PIK3CD: variants seen among roughly 807,000 people sequenced by gnomAD.
PIK3CD encodes phosphatidylinositol 4,5-bisphosphate 3-kinase catalytic subunit delta isoform.
Under a neutral mutation model 122.9 loss-of-function variants are expected in PIK3CD, and 20 were observed. That is an observed-to-expected ratio of 0.16 (90% CI 0.11 to 0.24). The LOEUF (loss-of-function observed/expected upper bound fraction) is 0.24. Ranked by LOEUF, PIK3CD falls within the 10% of genes least tolerant of loss-of-function variation. The pLI, the probability that PIK3CD is intolerant of heterozygous loss-of-function variation, is 1.00. For missense variants in PIK3CD, 787 were observed against 1,406.3 expected, an observed-to-expected ratio of 0.56 and a Z score of 7.04; for synonymous variants, 596 against 593.4, an observed-to-expected ratio of 1.00 and a Z score of -0.06.
intron 1 of PIK3CD, among the ~76,000 whole-genome samples, chr1:9,656,839 A>G (rs929996291): frequency 2.6e-5 from 4 of 150,954 alleles, no homozygotes; most frequent in African/African-American, 9.7e-5. Context: ...GCTATTCGGG[A>G]GGCTGAGACA....
At chr1:9,660,837 A>C (rs1431362934) in intron 1 of PIK3CD, 1 of 151,938 alleles carries the variant, frequency 6.6e-6, no homozygotes. Flanking sequence ...TTATTCTTGC[A>C]TCTTGTTAAT....
rs558845208 is a variant in PIK3CD at position 9,697,262 on chromosome 1, T to A, written c.-33+5691T>A. On this transcript the variant is annotated intron_variant, in intron 2 of 23. Transcript: ENST00000377346. ...CCTGAGGTATAAAAACACACAAAAA[T>A]TTTAAATAAAAAATGGAAATATAGA... Among the ~76,000 whole-genome samples the A allele has an allele frequency of 3.6e-4, 54 of 151,888 alleles. 1 individual carries two copies. In the South Asian group the frequency reaches 0.011, roughly 30 times the overall value.
chr1:9,678,418 G>T, intron 1 of PIK3CD, among the ~76,000 whole-genome samples: 1 of 152,008 alleles, frequency 6.6e-6, no homozygotes, highest in Non-Finnish European at 1.5e-5. Context: ...TATGGCATTG[G>T]ACTCCAGTCT....
At chr1:9,643,317 G>A in the PIK3CD span, among the ~76,000 whole-genome samples, 2 of 151,404 alleles carry the variant, frequency 1.3e-5, no homozygotes, top group Admixed American at 1.3e-4. Context: ...AGCTGAGGCA[G>A]GAATTGCTTG....
the PIK3CD span, among the ~76,000 whole-genome samples, chr1:9,628,035 C>G: frequency 2.6e-5 from 4 of 151,698 alleles, no homozygotes; most frequent in East Asian, 7.8e-4. Context: ...GGCGACAGAG[C>G]GAGACGCCTG....
Position 9,727,427 on chromosome 1 carries a change from G to T in PIK3CD, c.*381G>T. The T allele has an allele frequency of 2.4e-6, 1 of 412,064 alleles. No homozygotes were observed. Among genetic ancestry groups the T allele is most frequent in the Non-Finnish European group, 4.6e-6 (1 of 217,960 alleles). The allele number at this position is 412,064 out of a possible 1,614,324, so 25.5% of individuals were successfully genotyped here. A position where few individuals can be genotyped will look rare whatever the true frequency, so the allele number is the denominator to read the frequency against. On this transcript the variant is annotated 3_prime_UTR_variant, in exon 24 of 24. Transcript: ENST00000377346. ...TCCTGGCGCCTGGCGGTCACCTGGTGCCTACTGTCCGACAGGATGCCTTGA... is the reference window on the plus strand; with the variant it reads ...TCCTGGCGCCTGGCGGTCACCTGGTTCCTACTGTCCGACAGGATGCCTTGA...
At chr1:9,628,669 C>G in the PIK3CD span, among the ~76,000 whole-genome samples, 1 of 152,234 alleles carries the variant, frequency 6.6e-6, no homozygotes, top group South Asian at 2.1e-4. Flanking sequence ...CGGAGGTGGC[C>G]CAGAGTTGGT....
At chr1:9,681,300 C>T (rs1044547419) in intron 1 of PIK3CD, among the ~76,000 whole-genome samples, 1 of 152,154 alleles carries the variant, frequency 6.6e-6, no homozygotes, top group African/African-American at 2.4e-5. Context: ...TGCAGTGGCA[C>T]AATCAGAGCT....
chr1:9,628,283 C>CA, the PIK3CD span, among the ~76,000 whole-genome samples: 1 of 152,080 alleles, frequency 6.6e-6, no homozygotes, highest in Non-Finnish European at 1.5e-5. Flanking sequence ...GCCTGGGTGA[C>CA]AGAGTGAGAC....
chr1:9,708,580 G>T (rs191216558), intron 2 of PIK3CD, among the ~76,000 whole-genome samples: 1 of 152,240 alleles, frequency 6.6e-6, no homozygotes, highest in African/African-American at 2.4e-5. Context: ...GGGCCCAGTG[G>T]CTCATTCCTG....
the PIK3CD span, among the ~76,000 whole-genome samples, chr1:9,635,096 A>G: frequency 3.9e-3 from 600 of 152,226 alleles, 2 homozygotes; most frequent in Non-Finnish European, 7.1e-3. Context: ...GTATGAGACC[A>G]GCCTGGCCAG....
At chr1:9,673,167 C>T (rs936247240) in intron 1 of PIK3CD, among the ~76,000 whole-genome samples, 10 of 151,322 alleles carry the variant, frequency 6.6e-5, no homozygotes, top group South Asian at 6.3e-4. Flanking sequence ...GGTTCACTCA[C>T]GGTTTTCTGC....
intron 3 of PIK3CD, among the ~76,000 whole-genome samples, chr1:9,713,393 G>A (rs1468266122): frequency 6.6e-6 from 1 of 151,940 alleles, no homozygotes; most frequent in African/African-American, 2.4e-5. Context: ...AATAAATGTA[G>A]GAAAAGTAGA....
At chr1:9,681,322 C>T (rs1645742053) in intron 1 of PIK3CD, among the ~76,000 whole-genome samples, 1 of 151,878 alleles carries the variant, frequency 6.6e-6, no homozygotes, top group Non-Finnish European at 1.5e-5. Context: ...ACTGCAGCCT[C>T]CAGCTCCTGG....
intron 2 of PIK3CD, among the ~76,000 whole-genome samples, chr1:9,695,723 T>A (rs1646384806): frequency 1.3e-5 from 2 of 151,636 alleles, no homozygotes; most frequent in Non-Finnish European, 2.9e-5. Context: ...GTGCCTGTAA[T>A]CCCAGCTACT....
chr1:9,705,875 GGCACCACCGTCTTGA>G (rs2100703250), intron 2 of PIK3CD, among the ~76,000 whole-genome samples: 1 of 152,204 alleles, frequency 6.6e-6, no homozygotes, highest in South Asian at 2.1e-4. Flanking sequence ...ATTGCTGACG[GGCACCACCGTCTTGA>G]GGACAGTGTG....
chr1:9,722,182 C>G lies in PIK3CD; in HGVS notation c.2234+29C>G. 2 of 1,612,258 alleles carry G rather than the reference C, an allele frequency of 1.2e-6. No homozygotes were observed. The highest frequency in any genetic ancestry group is 1.7e-6 in the Non-Finnish European group (2 of 1,179,492). ...AGCCCAAGCCCCGCCACAAGGGTTC[C>G]TCCCACCCCTGGGAGGCCGGTAGAG... is the stretch of plus-strand genomic sequence containing the variant. On this transcript the variant is annotated intron_variant, in intron 17 of 23. Coordinates refer to ENST00000377346, the MANE Select transcript of PIK3CD (RefSeq NM_005026.5). The surrounding 1 kb of genome is among the most constrained non-coding windows in gnomAD (Gnocchi z 7.6).
rs931797210 is a variant in PIK3CD, at chr1:9,720,044, C to T, written c.1339+27C>T. 13 of 1,613,228 alleles carry T rather than the reference C, an allele frequency of 8.1e-6. No homozygotes were observed. In the East Asian group the frequency reaches 8.9e-5, roughly 11 times the overall value. ...TCGGCCCAGGCCCAGGAGGGAGAGG[C>T]GTTGGGAGTGTGAGGGTCCCAGAGA... On this transcript the variant is annotated intron_variant, in intron 10 of 23. Coordinates refer to ENST00000377346, the MANE Select transcript of PIK3CD (RefSeq NM_005026.5). This position sits in a 1 kb window ranked among gnomAD's most constrained non-coding sequence, Gnocchi z 9.0.
chr1:9,722,504 T>C lies in PIK3CD; in HGVS notation c.2348-24T>C. The C allele has an allele frequency of 6.2e-7, 1 of 1,604,054 alleles. No homozygotes were observed. Among genetic ancestry groups the C allele is most frequent in the Non-Finnish European group, 8.5e-7 (1 of 1,171,680 alleles). On this transcript the variant is annotated intron_variant, in intron 18 of 23. Transcript: ENST00000377346. The surrounding 1 kb of genome is among the most constrained non-coding windows in gnomAD (Gnocchi z 7.6). Reference sequence around the variant, plus strand: ...AGAACCTACCAGAAACTCACGCTTCTCCTCCCACCGGCCGGTGGCACAGAC... The same window carrying C: ...AGAACCTACCAGAAACTCACGCTTCCCCTCCCACCGGCCGGTGGCACAGAC...
Sources: allele counts gnomAD v4.1 joint callset (sites outside exome capture counted in the v4.1 genomes callset), GRCh38; gene constraint gnomAD v4.1.1; non-coding constraint Gnocchi (gnomAD v3.1); transcripts MANE v1.5; gene names NCBI Gene and HGNC (gene_info 2026-07-23, HGNC 2026-07-21).